ALPK1: variants seen among roughly 807,000 people sequenced by gnomAD.
ALPK1 encodes the protein alpha-protein kinase 1.
A neutral mutation model predicts 120.6 loss-of-function variants in ALPK1; 110 were observed. The observed-to-expected ratio is 0.91, with a 90% CI of 0.78 to 1.07. The LOEUF (loss-of-function observed/expected upper bound fraction) is 1.07. ALPK1 is among the 50% of genes least tolerant of loss of function. The pLI is 0.00. For synonymous variants in ALPK1, 582 were observed against 560.3 expected, an observed-to-expected ratio of 1.04 and a Z score of -0.55; for missense variants, 1,498 against 1,483.9, an observed-to-expected ratio of 1.01 and a Z score of -0.16.
At chr4:112,322,912 T>A (rs1216121813) in intron 2 of ALPK1, among the ~76,000 whole-genome samples, 2 of 152,246 alleles carry the variant, frequency 1.3e-5, no homozygotes, top group Non-Finnish European at 2.9e-5. Flanking sequence ...AGCAATAAAG[T>A]ACTTTGCCAA....
chr4:112,403,199 C>T (rs1733000793), intron 4 of ALPK1, among the ~76,000 whole-genome samples: 1 of 151,742 alleles, frequency 6.6e-6, no homozygotes, highest in Admixed American at 6.6e-5. Flanking sequence ...TGTCAGAGTG[C>T]CCCCCGCCCC....
At chr4:112,356,390 A>C (rs1730614196) in intron 2 of ALPK1, 1 of 840,728 alleles carries the variant, frequency 1.2e-6, no homozygotes, top group Admixed American at 1.7e-5. Context: ...GGCCTTTGTC[A>C]TCCTGGGGCA....
At position 112,432,098 on chromosome 4, in the gene ALPK1, G is replaced by A; in HGVS notation, c.2551G>A (p.Val851Met). The change falls in exon 11 of 16, where the codon GTG becomes ATG. Residue 851 changes from valine (V) to methionine (M), a missense_variant. Transcript: ENST00000650871. ...GGGCATCGACCCTGATGCCTCCACA[G>A]TGGATGAGGAGGGGCAACTGCTCGA... is the stretch of plus-strand genomic sequence containing the variant. ...EQGIDPDAST[V>M]DEEGQLLDSM... 1 of 1,614,210 alleles carries A rather than the reference G, an allele frequency of 6.2e-7. No homozygotes were observed.
rs1010231528 is a variant in ALPK1, at chr4:112,404,909, G to A, written c.277-6918G>A. On this transcript the variant is annotated intron_variant, in intron 4 of 15. Coordinates refer to ENST00000650871, the MANE Select transcript of ALPK1 (RefSeq NM_025144.4). ...AGGCTAATTTAGTCTCCCTACCGAA[G>A]CAGTACCTTTCTGAATACTCCACCC... 4.6e-5 allele frequency among the ~76,000 whole-genome samples: 7 copies of A among 152,176 alleles called. 1 individual carries two copies. Among genetic ancestry groups the A allele is most frequent in the Admixed American group, 1.3e-4 (2 of 15,276 alleles).
chr4:112,389,833 G>A (rs756595331), intron 4 of ALPK1, among the ~76,000 whole-genome samples: 22 of 152,278 alleles, frequency 1.4e-4, no homozygotes, highest in African/African-American at 2.4e-4. Context: ...AGAATAAGCT[G>A]GGAACTTCAA....
intron 1 of ALPK1, among the ~76,000 whole-genome samples, chr4:112,313,924 A>G (rs1182725681): frequency 6.6e-6 from 1 of 151,270 alleles, no homozygotes; most frequent in East Asian, 1.9e-4. Flanking sequence ...GACAATAACT[A>G]CTGATGAAAG....
In ALPK1 at chr4:112,431,810, T is replaced by C; in HGVS notation, c.2263T>C (p.Cys755Arg). Residue 755 changes from cysteine to arginine, a missense_variant, in exon 11 of 16, where the codon TGC becomes CGC. Transcript: ENST00000650871. ...EIIVEFPETN[C>R]DVKDRQGKEQ... Reference sequence around the variant, plus strand: ...AATTGTTGAGTTTCCAGAAACCAACTGCGATGTCAAAGACAGGCAGGGGAA... The same window carrying C: ...AATTGTTGAGTTTCCAGAAACCAACCGCGATGTCAAAGACAGGCAGGGGAA... 1 of 1,614,132 alleles carries C rather than the reference T, an allele frequency of 6.2e-7. No individual in the cohort carries two copies. Among genetic ancestry groups the C allele is most frequent in the East Asian group, 2.2e-5 (1 of 44,884 alleles).
chr4:112,327,665 G>A (rs575976902), intron 2 of ALPK1, among the ~76,000 whole-genome samples: 5 of 152,178 alleles, frequency 3.3e-5, no homozygotes, highest in East Asian at 1.9e-4. Context: ...GGCTGGTCTC[G>A]AATTCCTGGC....
At chr4:112,359,002 C>A in intron 2 of ALPK1, 1 of 767,050 alleles carries the variant, frequency 1.3e-6, no homozygotes, top group South Asian at 1.3e-5. Context: ...ATACAGCTAA[C>A]AGGACAAGGC....
chr4:112,364,788 A>G (rs1216067513), intron 2 of ALPK1, among the ~76,000 whole-genome samples: 1 of 152,228 alleles, frequency 6.6e-6, no homozygotes, highest in East Asian at 1.9e-4. Flanking sequence ...CCTGATGAAC[A>G]TAGATGCAAA....
chr4:112,397,699 T>A (rs1181263367), intron 4 of ALPK1, among the ~76,000 whole-genome samples: 1 of 152,174 alleles, frequency 6.6e-6, no homozygotes, highest in Non-Finnish European at 1.5e-5. Context: ...ATGTACATAA[T>A]TTATATCTGT....
At chr4:112,428,333 T>G (rs184994781) in intron 9 of ALPK1, among the ~76,000 whole-genome samples, 1 of 152,206 alleles carries the variant, frequency 6.6e-6, no homozygotes, top group Admixed American at 6.5e-5. Context: ...CACACTGTGC[T>G]TAAATGGAGT....
chr4:112,398,806 T>G (rs1732781849), intron 4 of ALPK1, among the ~76,000 whole-genome samples: 1 of 152,002 alleles, frequency 6.6e-6, no homozygotes, highest in African/African-American at 2.4e-5. Flanking sequence ...TGAAAAATGG[T>G]CAGATCTTAC....
chr4:112,394,238 G>T (rs1025113065), intron 4 of ALPK1, among the ~76,000 whole-genome samples: 1 of 152,162 alleles, frequency 6.6e-6, no homozygotes, highest in Non-Finnish European at 1.5e-5. Context: ...CTTTGCCCTT[G>T]TTGCACTCCT....
intron 2 of ALPK1, chr4:112,359,571 G>C (rs1046240410): frequency 1.2e-5 from 3 of 244,418 alleles, no homozygotes; most frequent in Non-Finnish European, 2.5e-5. Context: ...GCTCACCCAC[G>C]GGGCTTCCCA....
intron 4 of ALPK1, among the ~76,000 whole-genome samples, chr4:112,410,507 G>T (rs1456607396): frequency 2.0e-5 from 3 of 152,230 alleles, no homozygotes; most frequent in Non-Finnish European, 4.4e-5. Flanking sequence ...GGATTATGTG[G>T]TGATGAAAGC....
chr4:112,336,910 T>C (rs1192964208), intron 2 of ALPK1, among the ~76,000 whole-genome samples: 1 of 152,186 alleles, frequency 6.6e-6, no homozygotes. Flanking sequence ...TTTCCACTTA[T>C]TCTTAACTAG....
chr4:112,399,173 G>A (rs986872326), intron 4 of ALPK1, among the ~76,000 whole-genome samples: 3 of 152,208 alleles, frequency 2.0e-5, no homozygotes, highest in Non-Finnish European at 4.4e-5. Context: ...GTCCCTGGAG[G>A]AGAGAAGCAG....
chr4:112,377,051 G>T (rs1310165700), intron 2 of ALPK1, among the ~76,000 whole-genome samples: 1 of 151,988 alleles, frequency 6.6e-6, no homozygotes, highest in African/African-American at 2.4e-5. Flanking sequence ...TTGTATATAC[G>T]TTAAATGACA....
Sources: allele counts gnomAD v4.1 joint callset (sites outside exome capture counted in the v4.1 genomes callset), GRCh38; gene constraint gnomAD v4.1.1; transcripts MANE v1.5; gene names NCBI Gene and HGNC (gene_info 2026-07-23, HGNC 2026-07-21).